Variants in ABCA9 observed in about 807,000 individuals in gnomAD.
ABCA9 encodes ATP binding cassette subfamily A member 9.
Under a neutral mutation model 205.3 loss-of-function variants are expected in ABCA9, and 183 were observed. That is an observed-to-expected ratio of 0.89 (90% confidence interval 0.79 to 1.01). The LOEUF (loss-of-function observed/expected upper bound fraction) is 1.01, where lower values mean the gene tolerates loss of function less well. ABCA9 is among the 50% of genes least tolerant of loss of function. The pLI, the probability that ABCA9 is intolerant of heterozygous loss-of-function variation, is 0.00. For missense variants in ABCA9, 1,805 were observed against 1,912.4 expected (o/e 0.94, Z 1.05); for synonymous variants, 651 against 683.3 (o/e 0.95, Z 0.74).
Position 68,992,243 on chromosome 17 carries a change from A to G in ABCA9, c.3648T>C (p.Phe1216=), listed in dbSNP as rs2069475880. The G allele has an allele frequency of 1.9e-6, 3 of 1,594,518 alleles. No individual in the cohort carries two copies. Among genetic ancestry groups the G allele is most frequent in the African/African-American group, 2.7e-5 (2 of 74,592 alleles). ...LLIPYLHFLI[F]LFILRCLEMN... ...TTTCTAGGCATCGCAGAATGAAAAG[A>G]AAAATGAGAAAATGAAGGTAAGGCT... The change falls in exon 28 of 39, where the codon TTT becomes TTC. Residue 1216 remains phenylalanine, a synonymous_variant. Coordinates refer to ENST00000340001, the MANE Select transcript of ABCA9 (RefSeq NM_080283.4).
chr17:68,993,757 C>A (rs867687415), intron 26 of ABCA9, among the ~76,000 whole-genome samples: 1 of 152,214 alleles, frequency 6.6e-6, no homozygotes, highest in African/African-American at 2.4e-5. Flanking sequence ...ATGATGTGCA[C>A]GACCTTGACA....
the ABCA9 span, among the ~76,000 whole-genome samples, chr17:69,068,698 A>G: frequency 6.6e-6 from 1 of 152,234 alleles, no homozygotes; most frequent in Non-Finnish European, 1.5e-5. Context: ...CTCTGAAAGA[A>G]CTACTAATAA....
intron 2 of ABCA9, among the ~76,000 whole-genome samples, chr17:69,049,953 T>C (rs1255681243): frequency 1.3e-5 from 2 of 152,042 alleles, no homozygotes; most frequent in Admixed American, 1.3e-4. Context: ...AAAACAAAGT[T>C]TTTTTGAATG....
At chr17:69,078,210 G>GTTTTTT in the ABCA9 span, among the ~76,000 whole-genome samples, 1 of 141,430 alleles carries the variant, frequency 7.1e-6, no homozygotes, top group Non-Finnish European at 1.5e-5. Context: ...TGTTTTTGTT[G>GTTTTTT]TTTTTTTTTT....
chr17:68,975,738 T>C lies in ABCA9; in HGVS notation c.*177A>G, dbSNP rs11077859. ...TGGTATGGCTTAGGCTTATGCCCTA[T>C]GATCGCCCTCACTGACATCGCCTGT... On this transcript the variant is annotated 3_prime_UTR_variant, in exon 39 of 39. Transcript: ENST00000340001. 0.57 allele frequency: 340,237 copies of C among 591,724 alleles called. 104,868 individuals are homozygous for C. The highest frequency in any genetic ancestry group is 0.65 in the Non-Finnish European group (218,408 of 334,566). The allele number at this position is 591,724 out of a possible 1,614,324, so 36.7% of individuals were successfully genotyped here.
At position 69,017,727 on chromosome 17, in the gene ABCA9, C is replaced by T. The variant is rs765186107; in HGVS notation, c.2830G>A (p.Ala944Thr). The T allele has an allele frequency of 6.2e-7, 1 of 1,613,496 alleles. No individual in the cohort carries two copies. Among genetic ancestry groups the T allele is most frequent in the Non-Finnish European group, 8.5e-7 (1 of 1,179,530 alleles). ...RRQNIAIEVD[A>T]FGTRNGTDDP... ...TCTGTGCCATTTCTAGTTCCAAAGG[C>T]ATCCACTTCTATAGCTATGTTCTGT... The change falls in exon 21 of 39, where the codon GCC becomes ACC. Residue 944 changes from alanine (A) to threonine (T), a missense_variant. Transcript: ENST00000340001.
chr17:69,076,423 A>G, the ABCA9 span, among the ~76,000 whole-genome samples: 1 of 152,118 alleles, frequency 6.6e-6, no homozygotes, highest in East Asian at 1.9e-4. Flanking sequence ...GTTTGCTTAC[A>G]TTTTGCTGAG....
intron 30 of ABCA9, 72 bp from the exon 31 acceptor site, chr17:68,989,190 G>A: frequency 1.1e-6 from 1 of 939,778 alleles, no homozygotes; most frequent in East Asian, 2.5e-5. Context: ...CCATTTGAGG[G>A]CTGTGTGTCA....
rs568705257 is a variant in ABCA9 at position 69,028,509 on chromosome 17, T to C, written c.1615+26A>G. 15 of 1,465,256 alleles carry C rather than the reference T, an allele frequency of 1.0e-5. No individual in the cohort carries two copies. The South Asian group carries it at 1.8e-4, about 17-fold the overall frequency. 90.8% of individuals were successfully genotyped at this position (1,465,256 alleles called of 1,614,324 possible). On this transcript the variant is annotated intron_variant, in intron 12 of 38. Transcript: ENST00000340001. ...CATATTAATGTGTTTGTCCAGGTAC[T>C]TGTCCTTGGATAACTGTCTTCTTAC...
rs144500837 is a variant in ABCA9 at position 69,057,089 on chromosome 17, G to A, written c.-14+3777C>T. Among the ~76,000 whole-genome samples, 302 of 152,272 alleles carry A rather than the reference G, an allele frequency of 2.0e-3. 3 individuals carry two copies. The highest frequency in any genetic ancestry group is 6.8e-3 in the Middle Eastern group (2 of 294). On this transcript the variant is annotated intron_variant, in intron 1 of 38. Coordinates refer to ENST00000340001, the MANE Select transcript of ABCA9 (RefSeq NM_080283.4). ...TTTATTCTTGCAAAGTAGATGGCCC[G>A]CTTTTACTGTTGATAGAAAAGAGCA... is the stretch of plus-strand genomic sequence containing the variant.
chr17:69,008,330 C>T (rs1004868008), intron 23 of ABCA9, 95 bp from the exon 24 acceptor site: 22 of 1,191,704 alleles, frequency 1.8e-5, no homozygotes, highest in African/African-American at 1.7e-4. Context: ...ATTTTTGCTT[C>T]GCCTTTTAGA....
chr17:69,076,461 T>A, the ABCA9 span, among the ~76,000 whole-genome samples: 2 of 152,142 alleles, frequency 1.3e-5, no homozygotes, highest in African/African-American at 4.8e-5. Context: ...TCACCAGGGA[T>A]ATTGTTCTGT....
intron 2 of ABCA9, among the ~76,000 whole-genome samples, 177 bp downstream of exon 2, chr17:69,050,854 G>GA (rs1240521204): frequency 2.6e-5 from 4 of 151,630 alleles, no homozygotes; most frequent in African/African-American, 4.8e-5. Flanking sequence ...AATGTAATTT[G>GA]AAAAAATAAA....
chr17:69,008,095 C>T lies in ABCA9; in HGVS notation c.3288G>A (p.Glu1096=). The change falls in exon 24 of 39, where the codon GAG becomes GAA. Residue 1096 remains glutamate (E), a synonymous_variant. Coordinates refer to ENST00000340001, the MANE Select transcript of ABCA9 (RefSeq NM_080283.4). ...ACAGGTTTTGAATTATAAATATAAT[C>T]TCCTCTGGGCTAAAAATATAATCCA... The part of the protein sequence containing the change: ...QIMDYIFSPE[E]IIFIIQNLLI... 6.2e-7 allele frequency: 1 copy of T among 1,610,212 alleles called. No individual in the cohort carries two copies. Among genetic ancestry groups the T allele is most frequent in the South Asian group, 1.1e-5 (1 of 90,220 alleles).
At chr17:69,032,005 T>C (rs1598394981) in intron 10 of ABCA9, 103 bp downstream of exon 10, 1 of 1,098,550 alleles carries the variant, frequency 9.1e-7, no homozygotes, top group Admixed American at 2.2e-5. Flanking sequence ...TGTAGGTGGG[T>C]ACAGAGGGCA....
intron 1 of ABCA9, among the ~76,000 whole-genome samples, chr17:69,055,925 G>GA (rs377446031): frequency 5.9e-5 from 9 of 151,728 alleles, no homozygotes; most frequent in African/African-American, 2.2e-4. Context: ...AAAAGTCAAA[G>GA]AAAAAAATCT....
upstream of ABCA9, among the ~76,000 whole-genome samples, chr17:69,062,173 T>C (rs2072273013): frequency 6.6e-6 from 1 of 152,006 alleles, no homozygotes; most frequent in Non-Finnish European, 1.5e-5. Context: ...ATTGTTTCCA[T>C]ATGTCTACAG....
chr17:68,984,044 A>G lies in ABCA9; in HGVS notation c.4499+12T>C, dbSNP rs367547053. 13 of 1,613,962 alleles carry G rather than the reference A, an allele frequency of 8.1e-6. No homozygotes were observed. Among genetic ancestry groups the G allele is most frequent in the Non-Finnish European group, 1.0e-5 (12 of 1,179,990 alleles). On this transcript the variant is annotated intron_variant, in intron 35 of 38. Coordinates refer to ENST00000340001, the MANE Select transcript of ABCA9 (RefSeq NM_080283.4). ...ACCTAGGGGCTGAGCGCCGGCTTGGACAGGCACTCACCTCAGCCTTCCTGA... is the reference window on the plus strand; with the variant it reads ...ACCTAGGGGCTGAGCGCCGGCTTGGGCAGGCACTCACCTCAGCCTTCCTGA...
chr17:69,027,141 A>T, intron 14 of ABCA9, 27 bp from the exon 15 acceptor site: 1 of 1,610,002 alleles, frequency 6.2e-7, no homozygotes, highest in Non-Finnish European at 8.5e-7. Flanking sequence ...TCCTAAAGTA[A>T]TTCCACCCTT....
Sources: allele counts gnomAD v4.1 joint callset (sites outside exome capture counted in the v4.1 genomes callset), GRCh38; gene constraint gnomAD v4.1.1; transcripts MANE v1.5; gene names NCBI Gene and HGNC (gene_info 2026-07-23, HGNC 2026-07-21).